Variants in CCDC102B observed in about 807,000 individuals in gnomAD.
CCDC102B encodes the protein coiled-coil domain containing 102B, also known as coiled-coil domain-containing protein 102B.
A neutral mutation model predicts 57.4 loss-of-function variants in CCDC102B; 75 were observed. That is an observed-to-expected ratio of 1.31 (90% CI 1.08 to 1.58). The LOEUF is 1.58. Among genes scored for constraint, CCDC102B ranks in the 40% most tolerant of loss-of-function variants. The pLI is 0.00. For synonymous variants in CCDC102B, 206 were observed against 201.9 expected, an observed-to-expected ratio of 1.02 and a Z score of -0.17; for missense variants, 636 against 582.6, an observed-to-expected ratio of 1.09 and a Z score of -0.94.
intron 2 of CCDC102B, among the ~76,000 whole-genome samples, chr18:68,763,431 C>T (rs2034319021): frequency 6.6e-6 from 1 of 152,024 alleles, no homozygotes; most frequent in Non-Finnish European, 1.5e-5. Flanking sequence ...AGTCAAAGCA[C>T]AACAGCTATA....
intron 7 of CCDC102B, among the ~76,000 whole-genome samples, chr18:69,029,685 G>A (rs1568135768): frequency 6.6e-6 from 1 of 152,138 alleles, no homozygotes; most frequent in Non-Finnish European, 1.5e-5. Context: ...ATTTTAAGAT[G>A]TTATTTGCTT....
At chr18:68,822,787 T>C (rs983606233) in intron 1 of CCDC102B, among the ~76,000 whole-genome samples, 1 of 152,212 alleles carries the variant, frequency 6.6e-6, no homozygotes, top group African/African-American at 2.4e-5. Context: ...TCCATCCATG[T>C]TGTTGCAAAG....
chr18:68,772,222 G>GT (rs1471659616), intron 2 of CCDC102B, among the ~76,000 whole-genome samples: 2 of 151,966 alleles, frequency 1.3e-5, no homozygotes, highest in African/African-American at 2.4e-5. Context: ...ATCTAGTATC[G>GT]TTTAACACAA....
At chr18:68,844,981 C>T (rs1048229885) in intron 3 of CCDC102B, among the ~76,000 whole-genome samples, 34 of 151,874 alleles carry the variant, frequency 2.2e-4, no homozygotes, top group Admixed American at 4.6e-4. Flanking sequence ...TAAGGGATTC[C>T]GGATCAGAGT....
chr18:68,792,000 G>A lies in CCDC102B; in HGVS notation c.-66-31366G>A, dbSNP rs960130618. 2.0e-5 allele frequency among the ~76,000 whole-genome samples: 3 copies of A among 152,106 alleles called. No individual in the cohort carries two copies. In the South Asian group the frequency reaches 6.2e-4, roughly 32 times the overall value. On this transcript the variant is annotated intron_variant, in intron 2 of 3. Transcript: ENST00000578970. The stretch of plus-strand genomic sequence containing the variant: ...CTGGTAGCTAGTAGGTGGCAGCTGC[G>A]CACAGGACAGCCTCACATAACAAAG...
intron 7 of CCDC102B, among the ~76,000 whole-genome samples, chr18:69,022,847 C>G (rs183902438): frequency 6.6e-6 from 1 of 152,012 alleles, no homozygotes; most frequent in Non-Finnish European, 1.5e-5. Flanking sequence ...GGGAAATTTT[C>G]ACCCAGATTC....
At chr18:68,861,301 T>C (rs1568296113) in intron 4 of CCDC102B, among the ~76,000 whole-genome samples, 1 of 151,920 alleles carries the variant, frequency 6.6e-6, no homozygotes, top group African/African-American at 2.4e-5. Context: ...TTAAATGTTT[T>C]TTTTTTCTCT....
chr18:68,822,301 G>C (rs1414579972), intron 1 of CCDC102B, among the ~76,000 whole-genome samples: 1 of 152,028 alleles, frequency 6.6e-6, no homozygotes, highest in Non-Finnish European at 1.5e-5. Context: ...TGCTGAAGCA[G>C]GAGAATCACT....
intron 6 of CCDC102B, among the ~76,000 whole-genome samples, chr18:68,982,520 C>T (rs1378322711): frequency 6.6e-6 from 1 of 151,952 alleles, no homozygotes; most frequent in Non-Finnish European, 1.5e-5. Flanking sequence ...CACTCTATAA[C>T]AAGGCACTCT....
chr18:68,860,003 G>A (rs1468822131), intron 4 of CCDC102B, among the ~76,000 whole-genome samples: 2 of 81,872 alleles, frequency 2.4e-5, no homozygotes, highest in African/African-American at 7.1e-5. Flanking sequence ...ACATGCACAC[G>A]TATGTTTATT....
upstream of CCDC102B, among the ~76,000 whole-genome samples, chr18:68,797,853 G>A (rs187873661): frequency 2.6e-5 from 4 of 151,244 alleles, no homozygotes; most frequent in East Asian, 1.9e-4. Context: ...GGATCAAGGC[G>A]TGGGTGTCTT....
chr18:69,022,452 G>A (rs1034525507), intron 7 of CCDC102B, among the ~76,000 whole-genome samples: 1 of 151,610 alleles, frequency 6.6e-6, no homozygotes, highest in Non-Finnish European at 1.5e-5. Context: ...ATTAATTTAC[G>A]AGTAGGTATA....
intron 2 of CCDC102B, among the ~76,000 whole-genome samples, chr18:68,781,423 C>G (rs2035005360): frequency 6.6e-6 from 1 of 151,932 alleles, no homozygotes; most frequent in Non-Finnish European, 1.5e-5. Context: ...AGTTATTTTC[C>G]AAAGTGCTCC....
At chr18:69,009,129 C>G (rs2051430923) in intron 6 of CCDC102B, among the ~76,000 whole-genome samples, 1 of 152,104 alleles carries the variant, frequency 6.6e-6, no homozygotes, top group African/African-American at 2.4e-5. Context: ...AAAAATATTG[C>G]CAGTGTTTCT....
In CCDC102B at chr18:68,984,747, A is replaced by C. The variant is rs2094856004; in HGVS notation, c.1264-26187A>C. On this transcript the variant is annotated intron_variant, in intron 6 of 7. Transcript: ENST00000360242. ...AAATACCAACACAGAGTGAGAGATAAAACTTAAATATTCCACAGTGAAGGA... is the reference window on the plus strand; with the variant it reads ...AAATACCAACACAGAGTGAGAGATACAACTTAAATATTCCACAGTGAAGGA... Among the ~76,000 whole-genome samples the C allele has an allele frequency of 2.0e-5, 3 of 152,160 alleles. No individual in the cohort carries two copies. The South Asian group carries it at 6.2e-4, about 32-fold the overall frequency.
chr18:68,885,202 G>T (rs893010078), intron 5 of CCDC102B, among the ~76,000 whole-genome samples: 3 of 151,962 alleles, frequency 2.0e-5, no homozygotes, highest in Non-Finnish European at 2.9e-5. Context: ...ATGATTTGGA[G>T]TTGAAAGTTG....
At chr18:68,941,170 C>G (rs2049371141) in intron 6 of CCDC102B, among the ~76,000 whole-genome samples, 1 of 149,548 alleles carries the variant, frequency 6.7e-6, no homozygotes, top group Non-Finnish European at 1.5e-5. Context: ...TTCTTAATCT[C>G]TATTTAGGAA....
intron 2 of CCDC102B, among the ~76,000 whole-genome samples, chr18:68,719,207 TG>T (rs2032190626): frequency 6.6e-6 from 1 of 152,222 alleles, no homozygotes; most frequent in Non-Finnish European, 1.5e-5. Context: ...TTAAAATATG[TG>T]CTACCAATCT....
chr18:68,790,384 T>C (rs1427673120), intron 2 of CCDC102B, among the ~76,000 whole-genome samples: 2 of 151,908 alleles, frequency 1.3e-5, no homozygotes, highest in Non-Finnish European at 2.9e-5. Context: ...GGCTGCTTTG[T>C]TTACCTAAGC....
Sources: gnomAD v4.1 joint callset for allele counts (sites outside exome capture counted in the v4.1 genomes callset) on GRCh38, gnomAD v4.1.1 for gene constraint, MANE v1.5 for transcripts, NCBI Gene and HGNC (gene_info 2026-07-23, HGNC 2026-07-21) for gene names.